The following SNX4 variants were observed in gnomAD, a reference collection of about 807,000 sequenced individuals.
SNX4 encodes sorting nexin-4.
Under a neutral mutation model 70.8 loss-of-function variants are expected in SNX4, and 49 were observed. The ratio of observed to expected loss-of-function variants is 0.69; its 90% CI spans 0.55 to 0.88. The LOEUF (loss-of-function observed/expected upper bound fraction) is 0.88, where lower values mean the gene tolerates loss of function less well. Among genes scored for constraint, SNX4 ranks in the 40% least tolerant of loss-of-function variants. SNX4 has a pLI of 0.00. For missense variants in SNX4, 528 were observed against 544.8 expected (o/e 0.97, Z 0.31); for synonymous variants, 206 against 183.8 (o/e 1.12, Z -0.98).
At chr3:125,479,542 G>A (rs1348877446) in intron 7 of SNX4, among the ~76,000 whole-genome samples, 2 of 151,482 alleles carry the variant, frequency 1.3e-5, no homozygotes, top group Admixed American at 6.6e-5. Flanking sequence ...GTGACAGAGC[G>A]AGACTCCATC....
At chr3:125,478,756 A>C (rs1198567211) in intron 7 of SNX4, among the ~76,000 whole-genome samples, 1 of 152,112 alleles carries the variant, frequency 6.6e-6, no homozygotes, top group African/African-American at 2.4e-5. Context: ...GAAAAAAAAA[A>C]AACTAGAAGC....
At chr3:125,511,041 C>A (rs1289037338) in intron 1 of SNX4, among the ~76,000 whole-genome samples, 1 of 152,206 alleles carries the variant, frequency 6.6e-6, no homozygotes, top group African/African-American at 2.4e-5. Context: ...CCCTTAGCCT[C>A]CCGAGTAGCT....
At chr3:125,509,743 A>C (rs1935128371) in intron 1 of SNX4, among the ~76,000 whole-genome samples, 1 of 126,958 alleles carries the variant, frequency 7.9e-6, no homozygotes, top group Non-Finnish European at 1.6e-5. Flanking sequence ...ACAGAGCGAG[A>C]ATCTGTCTCA....
At chr3:125,482,251 A>G (rs764600166) in intron 6 of SNX4, among the ~76,000 whole-genome samples, 3 of 152,140 alleles carry the variant, frequency 2.0e-5, no homozygotes, top group Non-Finnish European at 4.4e-5. Context: ...TATAAAACCA[A>G]CTGATTTAGT....
At chr3:125,484,196 A>C (rs1054036739) in intron 6 of SNX4, among the ~76,000 whole-genome samples, 7 of 152,218 alleles carry the variant, frequency 4.6e-5, no homozygotes, top group Non-Finnish European at 8.8e-5. Context: ...TGAATCAGCC[A>C]TATTTTCTAT....
intron 9 of SNX4, among the ~76,000 whole-genome samples, chr3:125,462,730 T>G (rs767140230): frequency 3.3e-5 from 5 of 152,178 alleles, no homozygotes; most frequent in Non-Finnish European, 5.9e-5. Context: ...CATTCCACTG[T>G]TTAGTTCCTT....
At chr3:125,510,835 G>A (rs1322937305) in intron 1 of SNX4, among the ~76,000 whole-genome samples, 1 of 152,152 alleles carries the variant, frequency 6.6e-6, no homozygotes, top group East Asian at 1.9e-4. Context: ...TCTGGAGGCT[G>A]GTTGTACAAT....
chr3:125,519,966 C>T (rs1935371895), intron 1 of SNX4, 66 bp downstream of exon 1: 1 of 1,389,370 alleles, frequency 7.2e-7, no homozygotes, highest in Non-Finnish European at 9.5e-7. Context: ...CCAGCCCAGC[C>T]CAGCCCAGCC....
chr3:125,519,313 C>A (rs1321141369), intron 1 of SNX4, among the ~76,000 whole-genome samples: 1 of 152,126 alleles, frequency 6.6e-6, no homozygotes, highest in Admixed American at 6.5e-5. Context: ...TTCCCCTTTT[C>A]CTCAAGCAAA....
intron 1 of SNX4, among the ~76,000 whole-genome samples, chr3:125,507,276 G>A (rs1935069274): frequency 6.6e-6 from 1 of 151,820 alleles, no homozygotes; most frequent in East Asian, 1.9e-4. Flanking sequence ...CACTAGAGGG[G>A]TTCAAAGGCA....
chr3:125,496,688 AG>A (rs1156260710), intron 5 of SNX4, among the ~76,000 whole-genome samples: 1 of 152,222 alleles, frequency 6.6e-6, no homozygotes, highest in Non-Finnish European at 1.5e-5. Flanking sequence ...TCAAGTGTCC[AG>A]CTTACCACTA....
At chr3:125,485,800 T>C (rs1379881887) in intron 6 of SNX4, among the ~76,000 whole-genome samples, 1 of 152,108 alleles carries the variant, frequency 6.6e-6, no homozygotes, top group Non-Finnish European at 1.5e-5. Flanking sequence ...CACCCTCCTC[T>C]TCTTCTAGTT....
chr3:125,495,515 AT>A (rs955904975), intron 5 of SNX4, among the ~76,000 whole-genome samples: 6 of 147,156 alleles, frequency 4.1e-5, no homozygotes, highest in African/African-American at 1.6e-4. Context: ...TGAATTATTA[AT>A]TCTGTATACT....
In SNX4 at chr3:125,491,805, C is replaced by G. The variant is rs549910153; in HGVS notation, c.598-2342G>C. 5.9e-5 allele frequency among the ~76,000 whole-genome samples: 9 copies of G among 152,138 alleles called. No individual in the cohort carries two copies. The East Asian group carries it at 1.7e-3, about 29-fold the overall frequency. ...CTTGTTCACTTGATTCTTGGCTGTC[C>G]GTTAAGAATATAAGAGCCATAAGCC... On this transcript the variant is annotated intron_variant, in intron 5 of 13. Transcript: ENST00000251775.
chr3:125,500,754 C>T (rs1286399630), intron 2 of SNX4, among the ~76,000 whole-genome samples: 4 of 127,092 alleles, frequency 3.1e-5, no homozygotes, highest in Non-Finnish European at 3.1e-5. Flanking sequence ...GAGCTGAGAT[C>T]GTGCCACTGC....
chr3:125,448,669 CTTTTTTTTTTT>C (rs921502028), intron 13 of SNX4, among the ~76,000 whole-genome samples: 1 of 95,368 alleles, frequency 1.0e-5, no homozygotes, highest in African/African-American at 4.5e-5. Flanking sequence ...GGGTTTTTTC[CTTTTTTTTTTT>C]TTTTTTTTTT....
chr3:125,489,125 A>C (rs918372617), intron 6 of SNX4, among the ~76,000 whole-genome samples: 1 of 152,248 alleles, frequency 6.6e-6, no homozygotes. Context: ...AAGGAAAACT[A>C]TAAAATTAAA....
chr3:125,467,144 C>T (rs1305002739), intron 9 of SNX4, among the ~76,000 whole-genome samples: 6 of 144,392 alleles, frequency 4.2e-5, no homozygotes, highest in Admixed American at 1.4e-4. Context: ...CCAAGCACTT[C>T]GGGAGGCTGA....
intron 5 of SNX4, among the ~76,000 whole-genome samples, chr3:125,496,371 G>GA (rs1359083492): frequency 6.6e-6 from 1 of 152,016 alleles, no homozygotes; most frequent in Non-Finnish European, 1.5e-5. Context: ...TTTCTCTGCA[G>GA]AAAAAAATTT....
Sources: allele counts gnomAD v4.1 joint callset (sites outside exome capture counted in the v4.1 genomes callset), GRCh38; gene constraint gnomAD v4.1.1; transcripts MANE v1.5; gene names NCBI Gene and HGNC (gene_info 2026-07-23, HGNC 2026-07-21).